Variants in WWOX observed in about 807,000 individuals in gnomAD.
WWOX encodes the protein WW domain containing oxidoreductase.
Under a neutral mutation model 46.2 loss-of-function variants are expected in WWOX, and 69 were observed. That is an observed-to-expected ratio of 1.49 (90% CI 1.23 to 1.82). The LOEUF (loss-of-function observed/expected upper bound fraction) is 1.82. Ranked by LOEUF, WWOX falls within the 40% of genes most tolerant of loss-of-function variation. The pLI is 0.00. For missense variants in WWOX, 919 were observed against 542.6 expected (o/e 1.69, Z -6.89); for synonymous variants, 359 against 202.6 (o/e 1.77, Z -6.56).
intron 8 of WWOX, among the ~76,000 whole-genome samples, chr16:79,172,730 C>G (rs901982505): frequency 9.9e-5 from 15 of 152,092 alleles, no homozygotes; most frequent in Non-Finnish European, 1.9e-4. Flanking sequence ...AAATTGTAAC[C>G]TAAATGCCTT....
chr16:78,183,764 T>C (rs1378759920), intron 5 of WWOX, among the ~76,000 whole-genome samples: 1 of 152,052 alleles, frequency 6.6e-6, no homozygotes, highest in Non-Finnish European at 1.5e-5. Context: ...CATCAACAAC[T>C]CTTGTGCCCA....
In WWOX at chr16:78,990,015, C is replaced by T. The variant is rs1457393720; in HGVS notation, c.1057-221593C>T. Among the ~76,000 whole-genome samples the T allele has an allele frequency of 2.6e-5, 4 of 151,728 alleles. No homozygotes were observed. The East Asian group carries it at 7.8e-4, about 29-fold the overall frequency. ...CTGGGCAACACGGCAAAGCCCTCAT[C>T]TCTACAAAAAATACAAAAATTAGCT... On this transcript the variant is annotated intron_variant, in intron 8 of 8. Transcript: ENST00000566780.
chr16:78,483,294 G>C (rs1472129389), intron 8 of WWOX, among the ~76,000 whole-genome samples: 2 of 151,988 alleles, frequency 1.3e-5, no homozygotes, highest in African/African-American at 2.4e-5. Flanking sequence ...CACTTTACTT[G>C]GAAGAGACGG....
At chr16:78,887,913 G>A (rs1341168921) in intron 8 of WWOX, among the ~76,000 whole-genome samples, 1 of 152,108 alleles carries the variant, frequency 6.6e-6, no homozygotes, top group African/African-American at 2.4e-5. Flanking sequence ...TCTTCTTAAT[G>A]AGGGGATGAA....
At chr16:78,872,131 A>T (rs2044142294) in intron 8 of WWOX, among the ~76,000 whole-genome samples, 1 of 152,342 alleles carries the variant, frequency 6.6e-6, no homozygotes, top group Non-Finnish European at 1.5e-5. Context: ...GGATTTATAA[A>T]GGAATTCTGG....
intron 8 of WWOX, among the ~76,000 whole-genome samples, chr16:78,492,899 C>G (rs999774105): frequency 2.6e-5 from 4 of 152,116 alleles, no homozygotes; most frequent in African/African-American, 9.7e-5. Context: ...CATGCACTCC[C>G]AAAGTCCTTT....
chr16:79,030,531 C>A (rs957728540), intron 8 of WWOX, among the ~76,000 whole-genome samples: 1 of 152,166 alleles, frequency 6.6e-6, no homozygotes, highest in African/African-American at 2.4e-5. Context: ...CCAGACCAGG[C>A]GTGATCCCTA....
chr16:78,334,434 A>G (rs527733338), intron 5 of WWOX, among the ~76,000 whole-genome samples: 62 of 152,338 alleles, frequency 4.1e-4, no homozygotes, highest in African/African-American at 1.4e-3. Context: ...ACTCTGAGCT[A>G]TGAGTGAACC....
At chr16:78,261,947 A>G (rs924796685) in intron 5 of WWOX, among the ~76,000 whole-genome samples, 1 of 151,310 alleles carries the variant, frequency 6.6e-6, no homozygotes, top group African/African-American at 2.4e-5. Context: ...TGCAAGACCT[A>G]GTACAGGCCA....
At chr16:78,127,997 T>A (rs998998097) in intron 4 of WWOX, among the ~76,000 whole-genome samples, 3 of 152,170 alleles carry the variant, frequency 2.0e-5, no homozygotes, top group Non-Finnish European at 4.4e-5. Flanking sequence ...TTTGTACAGA[T>A]CAAGTAAAAC....
chr16:78,460,393 G>A (rs1473867934), intron 8 of WWOX, among the ~76,000 whole-genome samples: 1 of 152,166 alleles, frequency 6.6e-6, no homozygotes, highest in Non-Finnish European at 1.5e-5. Flanking sequence ...GGGATTATAG[G>A]TACCCCGCCT....
intron 8 of WWOX, among the ~76,000 whole-genome samples, chr16:78,437,356 A>T (rs2083357024): frequency 6.6e-6 from 1 of 152,112 alleles, no homozygotes; most frequent in Non-Finnish European, 1.5e-5. Context: ...TTACAATTGG[A>T]TGTTCTTGTG....
intron 8 of WWOX, among the ~76,000 whole-genome samples, chr16:78,557,073 A>C (rs2044315877): frequency 6.6e-6 from 1 of 152,150 alleles, no homozygotes; most frequent in African/African-American, 2.4e-5. Context: ...GGATTGTCCT[A>C]AGTGAGAAGC....
chr16:78,785,214 G>T (rs938271077), intron 8 of WWOX, among the ~76,000 whole-genome samples: 1 of 152,204 alleles, frequency 6.6e-6, no homozygotes, highest in Admixed American at 6.5e-5. Context: ...GCTAGCAGGC[G>T]CTCTCAGCAA....
At chr16:78,876,034 C>T (rs976449413) in intron 8 of WWOX, among the ~76,000 whole-genome samples, 1 of 152,144 alleles carries the variant, frequency 6.6e-6, no homozygotes, top group Non-Finnish European at 1.5e-5. Flanking sequence ...TAAACAGGCT[C>T]CATGGTACTA....
In WWOX at chr16:78,153,690, A is replaced by G. The variant is rs115651647; in HGVS notation, c.410-10493A>G. Reference sequence around the variant, plus strand: ...AAGTAACATTTGTCCCCAGTGTTTCACAATTATAAATTAATAATAACCACC... The same window carrying G: ...AAGTAACATTTGTCCCCAGTGTTTCGCAATTATAAATTAATAATAACCACC... On this transcript the variant is annotated intron_variant, in intron 4 of 8. Coordinates refer to ENST00000566780, the MANE Select transcript of WWOX (RefSeq NM_016373.4). Among the ~76,000 whole-genome samples, 907 of 152,296 alleles carry G rather than the reference A, an allele frequency of 6.0e-3. 15 individuals are homozygous for G. The highest frequency in any genetic ancestry group is 0.021 in the African/African-American group (877 of 41,544).
intron 5 of WWOX, among the ~76,000 whole-genome samples, chr16:78,361,135 T>C (rs1464442821): frequency 2.0e-5 from 3 of 152,050 alleles, no homozygotes; most frequent in African/African-American, 7.3e-5. Context: ...GAGCATTCAG[T>C]CTTTGATAGT....
intron 8 of WWOX, among the ~76,000 whole-genome samples, chr16:78,644,803 C>T (rs1054902122): frequency 6.6e-6 from 1 of 152,238 alleles, no homozygotes; most frequent in South Asian, 2.1e-4. Context: ...TATTTCGTGA[C>T]TATTATGAGT....
chr16:78,351,749 C>T (rs997109400), intron 5 of WWOX, among the ~76,000 whole-genome samples: 1 of 152,142 alleles, frequency 6.6e-6, no homozygotes, highest in African/African-American at 2.4e-5. Flanking sequence ...CCCTGCCTCC[C>T]AGGTTCAAGC....
Sources: allele counts gnomAD v4.1 joint callset (sites outside exome capture counted in the v4.1 genomes callset), GRCh38; gene constraint gnomAD v4.1.1; transcripts MANE v1.5; gene names NCBI Gene and HGNC (gene_info 2026-07-23, HGNC 2026-07-21).